DGKH: variants seen among roughly 807,000 people sequenced by gnomAD.
The protein encoded by DGKH is diacylglycerol kinase eta, also known as DAG kinase eta.
DGKH carries 90 observed loss-of-function variants against 159.3 expected under a neutral mutation model. The observed-to-expected ratio is 0.57, with a 90% CI of 0.48 to 0.67. The LOEUF is 0.67. Among genes scored for constraint, DGKH ranks in the 30% least tolerant of loss-of-function variants. The pLI, the probability that DGKH is intolerant of heterozygous loss-of-function variation, is 0.00. For synonymous variants in DGKH, 536 were observed against 553.8 expected (o/e 0.97, Z 0.45); for missense variants, 1,181 against 1,506.1 (o/e 0.78, Z 3.57).
intron 11 of DGKH, among the ~76,000 whole-genome samples, chr13:42,169,124 A>G (rs1160975590): frequency 1.3e-5 from 2 of 152,260 alleles, no homozygotes; most frequent in Non-Finnish European, 2.9e-5. Flanking sequence ...AGTTCAGGTC[A>G]GAAAACGAAA....
At chr13:42,060,412 TC>T (rs1882068675) in intron 1 of DGKH, among the ~76,000 whole-genome samples, 1 of 152,180 alleles carries the variant, frequency 6.6e-6, no homozygotes, top group Non-Finnish European at 1.5e-5. Context: ...GGCCTCTAGT[TC>T]CTTTGCCTAC....
intron 1 of DGKH, among the ~76,000 whole-genome samples, chr13:42,108,349 T>C (rs1954800287): frequency 6.6e-6 from 1 of 151,738 alleles, no homozygotes. Context: ...AAAAGATAGG[T>C]TGGGAGTTCT....
In DGKH at chr13:42,195,304, G is replaced by A. The variant is rs921213005; in HGVS notation, c.2167+288G>A. Reference sequence around the variant, plus strand: ...TCACAAGGTCAGGAGTTCGAGACAAGCCTGGCCAACACAGTGACAAGCCTG... The same window carrying A: ...TCACAAGGTCAGGAGTTCGAGACAAACCTGGCCAACACAGTGACAAGCCTG... On this transcript the variant is annotated intron_variant, in intron 17 of 29. Transcript: ENST00000337343. Among the ~76,000 whole-genome samples, 7 of 149,888 alleles carry A rather than the reference G, an allele frequency of 4.7e-5. No individual in the cohort carries two copies. The Admixed American group carries it at 4.8e-4, about 10-fold the overall frequency.
chr13:42,087,750 T>TG (rs1954336003), intron 1 of DGKH, among the ~76,000 whole-genome samples: 1 of 151,592 alleles, frequency 6.6e-6, no homozygotes, highest in South Asian at 2.1e-4. Flanking sequence ...CTGCTCATTT[T>TG]TTTTTTTTTT....
chr13:42,162,030 G>T (rs1434470746), intron 7 of DGKH, among the ~76,000 whole-genome samples: 2 of 152,130 alleles, frequency 1.3e-5, no homozygotes, highest in Admixed American at 6.5e-5. Context: ...GATGGTAGAA[G>T]GGAGGATGCC....
chr13:42,059,383 G>A (rs1182723906), intron 1 of DGKH, among the ~76,000 whole-genome samples: 1 of 151,998 alleles, frequency 6.6e-6, no homozygotes, highest in African/African-American at 2.4e-5. Context: ...CCAAGTAGCT[G>A]GGATTACAGG....
At position 42,209,368 on chromosome 13, in the gene DGKH, G is replaced by T; in HGVS notation, c.2753G>T (p.Gly918Val). ...AAAATCACTATATTTGGTGACGAAG[G>T]AGTCCCAGTGCAAGTGGATGGTGAA... ...TVKITIFGDE[G>V]VPVQVDGEAW... Residue 918 changes from glycine (G) to valine (V), a missense_variant, in exon 23 of 30, where the codon GGA becomes GTA. By Grantham distance (109) the Gly-to-Val change is moderately radical. Transcript: ENST00000337343. The T allele has an allele frequency of 6.2e-7, 1 of 1,613,594 alleles. No individual in the cohort carries two copies. The highest frequency in any genetic ancestry group is 8.5e-7 in the Non-Finnish European group (1 of 1,179,794).
chr13:42,207,135 T>TTTCTCTC lies in DGKH; in HGVS notation c.2601+990_2601+991insTCTCTCT, dbSNP rs1566192652. Among the ~76,000 whole-genome samples, 9 of 23,484 alleles carry TTTCTCTC rather than the reference T, an allele frequency of 3.8e-4. 1 individual carries two copies. The highest frequency in any genetic ancestry group is 2.0e-3 in the South Asian group (1 of 500). The allele number at this position is 23,484 out of a possible 152,430, so 15.4% of individuals were successfully genotyped here. On this transcript the variant is annotated intron_variant, in intron 21 of 29. Transcript: ENST00000337343. ...TTTCTCTTTCTCTCTCCTTCCTTCC[T>TTTCTCTC]TCCTTCCTTCCTTCCTTCCTTCCTT...
At chr13:42,161,879 A>G (rs1303768488) in intron 7 of DGKH, among the ~76,000 whole-genome samples, 1 of 152,094 alleles carries the variant, frequency 6.6e-6, no homozygotes, top group Non-Finnish European at 1.5e-5. Context: ...TGCAATTTGT[A>G]TATCTTTACT....
intron 24 of DGKH, among the ~76,000 whole-genome samples, chr13:42,212,895 G>A (rs907293203): frequency 1.3e-5 from 2 of 152,176 alleles, no homozygotes; most frequent in African/African-American, 2.4e-5. Flanking sequence ...CCTTTCATCC[G>A]AGTCTTGAGG....
At chr13:42,119,195 C>T (rs184957836) in intron 1 of DGKH, among the ~76,000 whole-genome samples, 6 of 152,250 alleles carry the variant, frequency 3.9e-5, no homozygotes, top group South Asian at 2.1e-4. Context: ...GCAGGCTTCC[C>T]GTATTTCTCC....
downstream of DGKH, chr13:42,243,015 C>G (rs1271608550): frequency 6.6e-6 from 1 of 152,236 alleles, no homozygotes; most frequent in Non-Finnish European, 1.5e-5. Context: ...CTCGTGTACC[C>G]TTTACCCATT....
intron 26 of DGKH, among the ~76,000 whole-genome samples, chr13:42,218,928 C>CA (rs1054550206): frequency 6.6e-6 from 1 of 151,916 alleles, no homozygotes; most frequent in Non-Finnish European, 1.5e-5. Context: ...AGGAGGGAGA[C>CA]AGGAAAGAAG....
intron 25 of DGKH, among the ~76,000 whole-genome samples, chr13:42,214,981 T>C (rs1407534220): frequency 1.3e-5 from 2 of 152,178 alleles, no homozygotes; most frequent in Admixed American, 1.3e-4. Flanking sequence ...GTTAGAGATG[T>C]CCACTCGTTT....
At chr13:42,256,439 T>C in exon 31 of DGKH, 1 of 1,565,812 alleles carries the variant, frequency 6.4e-7, no homozygotes, top group Non-Finnish European at 8.8e-7. Flanking sequence ...CAAAAATGGA[T>C]CAACCTTAAA....
chr13:42,146,150 C>CTTTTTTTTTTTTT lies in DGKH; in HGVS notation c.385-9135_385-9123dup, dbSNP rs57139526. On this transcript the variant is annotated intron_variant, in intron 3 of 29. Coordinates refer to ENST00000337343, the MANE Select transcript of DGKH (RefSeq NM_178009.5). ...TGTAAGAGTTCAGATTCTGGGGAGG[C>CTTTTTTTTTTTTT]TTTTTTTTTTTTTTTTTTGTACAGG... Among the ~76,000 whole-genome samples, 8 of 110,278 alleles carry CTTTTTTTTTTTTT rather than the reference C, an allele frequency of 7.3e-5. 2 individuals carry two copies. Among genetic ancestry groups the CTTTTTTTTTTTTT allele is most frequent in the Non-Finnish European group, 8.9e-5 (5 of 56,260 alleles). The allele number at this position is 110,278 out of a possible 152,430, so 72.3% of individuals were successfully genotyped here.
downstream of DGKH, among the ~76,000 whole-genome samples, chr13:42,247,511 G>A (rs1031526470): frequency 4.9e-5 from 7 of 142,116 alleles, no homozygotes; most frequent in African/African-American, 1.3e-4. Context: ...GATTACAGGC[G>A]TGAGCCACTG....
intron 26 of DGKH, among the ~76,000 whole-genome samples, chr13:42,215,951 T>G (rs1957781942): frequency 1.3e-5 from 2 of 152,228 alleles, no homozygotes; most frequent in South Asian, 4.1e-4. Context: ...GTGAGCTTTA[T>G]AAAGTGTAGT....
intron 1 of DGKH, among the ~76,000 whole-genome samples, chr13:42,081,765 T>C (rs1211198071): frequency 1.3e-5 from 2 of 152,176 alleles, no homozygotes; most frequent in African/African-American, 4.8e-5. Context: ...TTCATCTTGC[T>C]CTCTCTTTGC....
Sources: allele counts gnomAD v4.1 joint callset (sites outside exome capture counted in the v4.1 genomes callset), GRCh38; gene constraint gnomAD v4.1.1; transcripts MANE v1.5; gene names NCBI Gene and HGNC (gene_info 2026-07-23, HGNC 2026-07-21).